CHCHD3: variants seen among roughly 807,000 people sequenced by gnomAD.
CHCHD3 encodes coiled-coil-helix-coiled-coil-helix domain containing 3, also known as MICOS complex subunit MIC19.
In CHCHD3, 20 loss-of-function variants were observed where a neutral mutation model predicts 38.2. The ratio of observed to expected loss-of-function variants is 0.52; its 90% CI spans 0.37 to 0.76. CHCHD3 has a LOEUF of 0.76. Among genes scored for constraint, CHCHD3 ranks in the 30% least tolerant of loss-of-function variants. The probability of loss-of-function intolerance (pLI) is 0.00; values close to 1 mark genes in which losing one functional copy is unlikely to be tolerated. For missense variants in CHCHD3, 245 were observed against 279.2 expected, an observed-to-expected ratio of 0.88 and a Z score of 0.87; for synonymous variants, 82 against 100.0, an observed-to-expected ratio of 0.82 and a Z score of 1.07.
At chr7:132,865,643 A>G (rs1025390467) in intron 5 of CHCHD3, among the ~76,000 whole-genome samples, 4 of 151,874 alleles carry the variant, frequency 2.6e-5, no homozygotes, top group Non-Finnish European at 5.9e-5. Flanking sequence ...GGAGGAACCT[A>G]GAAATGAAAA....
intron 2 of CHCHD3, among the ~76,000 whole-genome samples, chr7:133,033,946 G>C (rs1046851571): frequency 8.7e-6 from 1 of 114,550 alleles, no homozygotes; most frequent in African/African-American, 4.2e-5. Context: ...AACACTCCAG[G>C]TCTCTGTGAG....
intron 2 of CHCHD3, among the ~76,000 whole-genome samples, chr7:133,053,340 A>G (rs1814223389): frequency 6.6e-6 from 1 of 152,060 alleles, no homozygotes; most frequent in South Asian, 2.1e-4. Context: ...CACAGGAGGG[A>G]TGGGGACTAT....
Position 132,848,260 on chromosome 7 carries a change from G to T in CHCHD3, c.454-9791C>A, listed in dbSNP as rs186690158. On this transcript the variant is annotated intron_variant, in intron 5 of 7. Coordinates refer to ENST00000262570, the MANE Select transcript of CHCHD3 (RefSeq NM_017812.4). ...CCACAAACACCAATGTCAAATAACG[G>T]CAGTTCCCATTGTTGAGTAGCCAGA... Among the ~76,000 whole-genome samples the T allele has an allele frequency of 2.6e-3, 397 of 152,214 alleles. 4 individuals are homozygous for T. The highest frequency in any genetic ancestry group is 9.1e-3 in the African/African-American group (378 of 41,536).
intron 4 of CHCHD3, among the ~76,000 whole-genome samples, chr7:132,950,845 A>G (rs1811020889): frequency 6.6e-6 from 1 of 152,174 alleles, no homozygotes; most frequent in Admixed American, 6.5e-5. Flanking sequence ...CCTCATCTCT[A>G]CAACTCAATA....
rs562909614 is a variant in CHCHD3 at position 132,834,202 on chromosome 7, C to A, written c.524+4197G>T. The stretch of plus-strand genomic sequence containing the variant: ...CTGATTATCTGAGATGGCCAAATTT[C>A]TAAAAAGAAATAGCAGTCTACTAAG... On this transcript the variant is annotated intron_variant, in intron 6 of 7. Transcript: ENST00000262570. 7.2e-5 allele frequency among the ~76,000 whole-genome samples: 11 copies of A among 152,252 alleles called. No individual in the cohort carries two copies. The South Asian group carries it at 1.9e-3, about 26-fold the overall frequency.
intron 4 of CHCHD3, among the ~76,000 whole-genome samples, chr7:132,888,939 G>C (rs1409159561): frequency 2.0e-5 from 3 of 151,984 alleles, no homozygotes; most frequent in Non-Finnish European, 4.4e-5. Flanking sequence ...AAAGTGTAAA[G>C]TATGGTAAGA....
intron 1 of CHCHD3, among the ~76,000 whole-genome samples, chr7:133,075,367 C>A (rs529704229): frequency 6.6e-6 from 1 of 152,322 alleles, no homozygotes; most frequent in South Asian, 2.1e-4. Flanking sequence ...TTCTTACAAT[C>A]ATTCAACAAC....
At position 132,961,096 on chromosome 7, in the gene CHCHD3, T is replaced by C. The variant is rs191377482; in HGVS notation, c.369+14073A>G. 3.9e-5 allele frequency among the ~76,000 whole-genome samples: 6 copies of C among 152,188 alleles called. No individual in the cohort carries two copies. In the East Asian group the frequency reaches 1.2e-3, roughly 29 times the overall value. On this transcript the variant is annotated intron_variant, in intron 4 of 7. Transcript: ENST00000262570. The stretch of plus-strand genomic sequence containing the variant: ...GAGTTCAAAATCAGCCTAGACATCA[T>C]AGTGAGACCTCATCTCTACAAAAGA...
intron 4 of CHCHD3, among the ~76,000 whole-genome samples, chr7:132,909,007 T>C (rs1267557750): frequency 6.6e-6 from 1 of 152,134 alleles, no homozygotes; most frequent in Non-Finnish European, 1.5e-5. Context: ...AATTGAATCA[T>C]GGGGGCAGTT....
chr7:133,037,878 T>C (rs1241479132), intron 2 of CHCHD3, among the ~76,000 whole-genome samples: 1 of 152,214 alleles, frequency 6.6e-6, no homozygotes, highest in Non-Finnish European at 1.5e-5. Context: ...ACCTTTATAT[T>C]TGGGAGAAAT....
chr7:133,034,592 G>T lies in CHCHD3; in HGVS notation c.170-9965C>A, dbSNP rs563937570. On this transcript the variant is annotated intron_variant, in intron 2 of 7. Coordinates refer to ENST00000262570, the MANE Select transcript of CHCHD3 (RefSeq NM_017812.4). ...GAAGGGCAGGTGCAGGCAGCTAGGT[G>T]ATGGCAAGAGATGTTCACTTGAAGA... The T allele has an allele frequency of 8.1e-6, 12 of 1,481,964 alleles. No individual in the cohort carries two copies. The East Asian group carries it at 3.4e-4, about 42-fold the overall frequency. The allele number at this position is 1,481,964 out of a possible 1,614,324, so 91.8% of individuals were successfully genotyped here. A position where few individuals can be genotyped will look rare whatever the true frequency, so the allele number is the denominator to read the frequency against.
At chr7:132,790,455 A>T (rs1806428683) in intron 7 of CHCHD3, among the ~76,000 whole-genome samples, 1 of 152,192 alleles carries the variant, frequency 6.6e-6, no homozygotes, top group African/African-American at 2.4e-5. Context: ...TTAGAAAAGG[A>T]TTCCTATGAT....
At chr7:133,020,038 G>C (rs547447395) in intron 3 of CHCHD3, among the ~76,000 whole-genome samples, 3 of 151,948 alleles carry the variant, frequency 2.0e-5, no homozygotes, top group African/African-American at 7.3e-5. Context: ...GGTACGCTGA[G>C]CAACTATTCT....
chr7:132,805,938 T>C (rs559373973), intron 6 of CHCHD3, among the ~76,000 whole-genome samples: 3 of 152,162 alleles, frequency 2.0e-5, no homozygotes, highest in Non-Finnish European at 4.4e-5. Flanking sequence ...TGACACCTCC[T>C]CACCACGATC....
At chr7:132,903,584 C>CCAACAA (rs901204354) in intron 4 of CHCHD3, among the ~76,000 whole-genome samples, 3 of 151,986 alleles carry the variant, frequency 2.0e-5, no homozygotes, top group Middle Eastern at 3.2e-3. Flanking sequence ...AGGTTTGAAC[C>CCAACAA]CAACAACAAC....
chr7:132,810,799 C>A (rs1329258154), intron 6 of CHCHD3, among the ~76,000 whole-genome samples: 1 of 152,190 alleles, frequency 6.6e-6, no homozygotes, highest in Non-Finnish European at 1.5e-5. Flanking sequence ...CCATTACACA[C>A]AACCCAACCT....
intron 6 of CHCHD3, among the ~76,000 whole-genome samples, chr7:132,820,611 G>GTTTTTTTTTTTTTTTT (rs748470167): frequency 2.1e-5 from 2 of 96,190 alleles, no homozygotes; most frequent in Non-Finnish European, 4.0e-5. Flanking sequence ...ATGTGCTAGT[G>GTTTTTTTTTTTTTTTT]TTTTTTTTTT....
intron 6 of CHCHD3, among the ~76,000 whole-genome samples, chr7:132,812,460 C>T (rs765296702): frequency 1.3e-5 from 2 of 152,000 alleles, no homozygotes; most frequent in Admixed American, 6.6e-5. Context: ...CTACCCATCT[C>T]GGCCTCCCAA....
intron 4 of CHCHD3, among the ~76,000 whole-genome samples, chr7:132,944,497 A>G (rs1810848979): frequency 6.6e-6 from 1 of 152,040 alleles, no homozygotes; most frequent in African/African-American, 2.4e-5. Flanking sequence ...TATACATTAA[A>G]AGAATAGCTG....
Sources: gnomAD v4.1 joint callset for allele counts (sites outside exome capture counted in the v4.1 genomes callset) on GRCh38, gnomAD v4.1.1 for gene constraint, MANE v1.5 for transcripts, NCBI Gene and HGNC (gene_info 2026-07-23, HGNC 2026-07-21) for gene names.